NEDD4L: variants seen among roughly 807,000 people sequenced by gnomAD.
The protein encoded by NEDD4L is NEDD4 like E3 ubiquitin protein ligase, also known as E3 ubiquitin-protein ligase NEDD4-like.
NEDD4L carries 54 observed loss-of-function variants against 148.9 expected under a neutral mutation model. The observed-to-expected ratio is 0.36, with a 90% CI of 0.29 to 0.45. The LOEUF is 0.45. Among genes scored for constraint, NEDD4L ranks in the 20% least tolerant of loss-of-function variants. The probability of loss-of-function intolerance (pLI) is 1.00; values close to 1 mark genes in which losing one functional copy is unlikely to be tolerated. For missense variants in NEDD4L, 856 were observed against 1,233.8 expected (o/e 0.69, Z 4.59); for synonymous variants, 433 against 440.7 (o/e 0.98, Z 0.22).
At chr18:58,098,318 C>T (rs1233545507) in intron 1 of NEDD4L, among the ~76,000 whole-genome samples, 1 of 152,094 alleles carries the variant, frequency 6.6e-6, no homozygotes, top group Non-Finnish European at 1.5e-5. Flanking sequence ...CTCTTCAGGC[C>T]CCACATTGCC....
In NEDD4L at chr18:58,256,027, C is replaced by G. The variant is rs2048488776; in HGVS notation, c.297+3973C>G. Reference sequence around the variant, plus strand: ...CGCCCGACCCCAGGGACCAGGCCTCCGCCACTGCCACCACGAGGGCCTCGC... The same window carrying G: ...CGCCCGACCCCAGGGACCAGGCCTCGGCCACTGCCACCACGAGGGCCTCGC... On this transcript the variant is annotated intron_variant, in intron 5 of 30. Coordinates refer to ENST00000400345, the MANE Select transcript of NEDD4L (RefSeq NM_001144967.3). The surrounding 1 kb of genome is among the most constrained non-coding windows in gnomAD (Gnocchi z 5.2). The G allele has an allele frequency of 2.4e-6, 3 of 1,229,936 alleles. No homozygotes were observed. The South Asian group carries it at 1.2e-4, about 51-fold the overall frequency. The allele number at this position is 1,229,936 out of a possible 1,614,324, so 76.2% of individuals were successfully genotyped here.
rs1045248372 is a variant in NEDD4L, at chr18:58,347,535, A to G, written c.1576-2002A>G. ...ACCAGTCATGAATGTTTACCAGATTATCAGCTTCTTGGACCTTCTCAATCC... is the reference window on the plus strand; with the variant it reads ...ACCAGTCATGAATGTTTACCAGATTGTCAGCTTCTTGGACCTTCTCAATCC... On this transcript the variant is annotated intron_variant, in intron 16 of 30. Transcript: ENST00000400345. 2.6e-5 allele frequency among the ~76,000 whole-genome samples: 4 copies of G among 152,304 alleles called. No homozygotes were observed. The East Asian group carries it at 7.7e-4, about 29-fold the overall frequency.
chr18:58,386,072 T>C (rs921465217), intron 26 of NEDD4L, among the ~76,000 whole-genome samples: 1 of 149,900 alleles, frequency 6.7e-6, no homozygotes, highest in Admixed American at 6.6e-5. Flanking sequence ...TGATTGATTT[T>C]GAGAGAGATT....
In NEDD4L at chr18:58,077,513, C is replaced by T. The variant is rs541396430; in HGVS notation, c.48+32805C>T. Among the ~76,000 whole-genome samples the T allele has an allele frequency of 9.2e-5, 14 of 152,176 alleles. 1 individual carries two copies. The highest frequency in any genetic ancestry group is 3.9e-4 in the East Asian group (2 of 5,188). On this transcript the variant is annotated intron_variant, in intron 1 of 30. Transcript: ENST00000400345. ...TACAGTCCTAAACACTGAGTGTGCA[C>T]GTCGTTAACTACAGTTTAATATTTG...
At chr18:58,227,064 T>A (rs1311857146) in intron 2 of NEDD4L, among the ~76,000 whole-genome samples, 1 of 152,222 alleles carries the variant, frequency 6.6e-6, no homozygotes, top group Non-Finnish European at 1.5e-5. Context: ...TGCCTCCACG[T>A]CCCCACATCA....
chr18:58,137,446 G>C (rs185393909), intron 1 of NEDD4L, among the ~76,000 whole-genome samples: 2 of 152,274 alleles, frequency 1.3e-5, no homozygotes, highest in African/African-American at 4.8e-5. Flanking sequence ...TGGGTGTGAG[G>C]ACCAGCACCA....
chr18:58,160,149 T>G (rs1001803984), intron 1 of NEDD4L, among the ~76,000 whole-genome samples: 2 of 152,218 alleles, frequency 1.3e-5, no homozygotes. Flanking sequence ...AGAACACTGT[T>G]GATGGATTAT....
intron 1 of NEDD4L, among the ~76,000 whole-genome samples, chr18:58,114,080 A>T (rs576757059): frequency 1.3e-4 from 20 of 152,298 alleles, no homozygotes; most frequent in African/African-American, 4.8e-4. Context: ...TTTTTAAAAT[A>T]TGAACGTAGG....
chr18:58,376,621 C>T (rs1271020386), intron 24 of NEDD4L, among the ~76,000 whole-genome samples: 1 of 152,208 alleles, frequency 6.6e-6, no homozygotes, highest in Non-Finnish European at 1.5e-5. Context: ...CAAGTCCAAG[C>T]TCCCATCTTC....
At position 58,150,321 on chromosome 18, in the gene NEDD4L, G is replaced by A. The variant is rs550304644; in HGVS notation, c.49-15467G>A. Among the ~76,000 whole-genome samples, 4 of 152,278 alleles carry A rather than the reference G, an allele frequency of 2.6e-5. No individual in the cohort carries two copies. In the South Asian group the frequency reaches 8.3e-4, roughly 32 times the overall value. ...ATAATCTCGGCCCACTGCAACCTCC[G>A]CCTCCTGGGTTCAAGCAATTCTCCT... On this transcript the variant is annotated intron_variant, in intron 1 of 30. Coordinates refer to ENST00000400345, the MANE Select transcript of NEDD4L (RefSeq NM_001144967.3).
At chr18:58,271,742 A>G (rs577955012) in intron 5 of NEDD4L, among the ~76,000 whole-genome samples, 19 of 152,334 alleles carry the variant, frequency 1.2e-4, no homozygotes, top group Non-Finnish European at 2.5e-4. Flanking sequence ...ACTACTGAGT[A>G]GAAGAAAAGT....
At chr18:58,083,414 G>A (rs527324958) in intron 1 of NEDD4L, among the ~76,000 whole-genome samples, 4 of 152,336 alleles carry the variant, frequency 2.6e-5, no homozygotes, top group African/African-American at 4.8e-5. Flanking sequence ...GGGGCCGGGT[G>A]CGGTGGCTCA....
chr18:58,334,058 A>G (rs2041390222), intron 12 of NEDD4L, 166 bp downstream of exon 12: 7 of 497,748 alleles, frequency 1.4e-5, no homozygotes, highest in Non-Finnish European at 2.5e-5. Context: ...TTTCCAATAC[A>G]GAGAATTGTT....
At chr18:58,332,664 CAGTAACCAA>C (rs2041158096) in intron 11 of NEDD4L, among the ~76,000 whole-genome samples, 1 of 152,040 alleles carries the variant, frequency 6.6e-6, no homozygotes, top group African/African-American at 2.4e-5. Context: ...GATTCTTTCA[CAGTAACCAA>C]TGTGGGAAGA....
rs2039135204 is a variant in NEDD4L, at chr18:58,183,929, G to A, written c.122+18068G>A. On this transcript the variant is annotated intron_variant, in intron 2 of 30. Coordinates refer to ENST00000400345, the MANE Select transcript of NEDD4L (RefSeq NM_001144967.3). ...TCACGCCTGTAATCCCAGCACTTTG[G>A]GAGGCCAAGGCGGGCGGATCATGAG... Among the ~76,000 whole-genome samples, 3 of 152,166 alleles carry A rather than the reference G, an allele frequency of 2.0e-5. No individual in the cohort carries two copies. In the South Asian group the frequency reaches 6.2e-4, roughly 31 times the overall value.
At chr18:58,100,846 A>G (rs1303991747) in intron 1 of NEDD4L, among the ~76,000 whole-genome samples, 1 of 152,238 alleles carries the variant, frequency 6.6e-6, no homozygotes, top group Non-Finnish European at 1.5e-5. Context: ...TTGCTCTGCC[A>G]TCCAGGCTGG....
intron 3 of NEDD4L, among the ~76,000 whole-genome samples, chr18:58,248,435 A>T (rs1294247149): frequency 6.6e-6 from 1 of 152,108 alleles, no homozygotes; most frequent in Non-Finnish European, 1.5e-5. Context: ...ATAAAATCTG[A>T]TCCTCAGTAT....
At chr18:58,056,772 G>A (rs2082103023) in intron 1 of NEDD4L, among the ~76,000 whole-genome samples, 1 of 151,860 alleles carries the variant, frequency 6.6e-6, no homozygotes, top group African/African-American at 2.4e-5. Flanking sequence ...ATGGAGATGG[G>A]GTTTCACCAT....
rs2041581058 is a variant in NEDD4L, at chr18:58,202,971, AC to A, written c.122+37111del. ...CTGATAATATTGGGCCTCAGTACATACTTTTTTTTTTTAAGAGACAAGGTTT... is the reference window on the plus strand; with the variant it reads ...CTGATAATATTGGGCCTCAGTACATATTTTTTTTTTTAAGAGACAAGGTTT... On this transcript the variant is annotated intron_variant, in intron 2 of 30. Transcript: ENST00000400345. Among the ~76,000 whole-genome samples the A allele has an allele frequency of 2.0e-5, 3 of 150,830 alleles. No individual in the cohort carries two copies. In the South Asian group the frequency reaches 6.3e-4, roughly 32 times the overall value.
Sources: gnomAD v4.1 joint callset for allele counts (sites outside exome capture counted in the v4.1 genomes callset) on GRCh38, gnomAD v4.1.1 for gene constraint, Gnocchi (gnomAD v3.1) non-coding constraint, MANE v1.5 for transcripts, NCBI Gene and HGNC (gene_info 2026-07-23, HGNC 2026-07-21) for gene names.